Variants in IQCK observed in about 807,000 individuals in gnomAD.
IQCK encodes the protein IQ motif containing K, also known as IQ domain-containing protein K.
IQCK carries 29 observed loss-of-function variants against 28.1 expected under a neutral mutation model. The ratio of observed to expected loss-of-function variants is 1.03; its 90% CI spans 0.77 to 1.41. The LOEUF (loss-of-function observed/expected upper bound fraction) is 1.41, where lower values mean the gene tolerates loss of function less well. IQCK is among the 40% of genes most tolerant of loss of function. The probability of loss-of-function intolerance (pLI) is 0.00; values close to 1 mark genes in which losing one functional copy is unlikely to be tolerated. For synonymous variants in IQCK, 113 were observed against 115.1 expected (o/e 0.98, Z 0.12); for missense variants, 359 against 314.7 (o/e 1.14, Z -1.07).
chr16:19,781,399 G>A (rs1241804621), intron 6 of IQCK, among the ~76,000 whole-genome samples: 2 of 152,216 alleles, frequency 1.3e-5, no homozygotes, highest in Non-Finnish European at 2.9e-5. Flanking sequence ...GTGTAACTAG[G>A]AGAATGATTC....
intron 1 of IQCK, among the ~76,000 whole-genome samples, chr16:19,719,223 G>GA (rs1031476349): frequency 2.1e-4 from 32 of 150,522 alleles, no homozygotes; most frequent in South Asian, 8.4e-4. Flanking sequence ...GATTATTGGG[G>GA]AAAAAAAAAC....
intron 9 of IQCK, among the ~76,000 whole-genome samples, chr16:19,851,681 C>G (rs1231404679): frequency 2.0e-5 from 3 of 152,172 alleles, no homozygotes; most frequent in East Asian, 3.9e-4. Flanking sequence ...TTCCACTCTC[C>G]CAGCCCTTCC....
intron 7 of IQCK, among the ~76,000 whole-genome samples, chr16:19,808,852 A>G (rs557209340): frequency 4.3e-4 from 65 of 152,184 alleles, no homozygotes; most frequent in African/African-American, 1.5e-3. Flanking sequence ...CAAATCTCCA[A>G]CTTTCCTAGG....
chr16:19,718,344 G>C, exon 1 of IQCK: 1 of 1,610,160 alleles, frequency 6.2e-7, no homozygotes. Context: ...CACATAGTGC[G>C]CCTCAAGCCC....
At chr16:19,723,595 A>C (rs2151672800) in intron 1 of IQCK, among the ~76,000 whole-genome samples, 1 of 152,262 alleles carries the variant, frequency 6.6e-6, no homozygotes, top group East Asian at 1.9e-4. Flanking sequence ...TGAAGAAGAC[A>C]CCAGCATGGT....
chr16:19,774,297 C>A (rs34248870), intron 6 of IQCK, among the ~76,000 whole-genome samples: 1 of 151,640 alleles, frequency 6.6e-6, no homozygotes, highest in Non-Finnish European at 1.5e-5. Flanking sequence ...AAGTTCCCCC[C>A]GTAAGAGGAA....
At chr16:19,764,143 A>G in intron 6 of IQCK, 31 bp downstream of exon 6, 1 of 1,521,130 alleles carries the variant, frequency 6.6e-7, no homozygotes, top group Non-Finnish European at 9.1e-7. Flanking sequence ...TGAATAATTT[A>G]TTCCTAATTT....
chr16:19,730,697 T>G (rs1451730564), intron 2 of IQCK, among the ~76,000 whole-genome samples: 1 of 152,060 alleles, frequency 6.6e-6, no homozygotes, highest in African/African-American at 2.4e-5. Context: ...CTTTGAGCAT[T>G]AGTTTCGGCG....
In IQCK at chr16:19,836,719, G is replaced by A. The variant is rs1006647414; in HGVS notation, c.802+9582G>A. ...AGTAGAGATGGGGTTTCACCATGTT[G>A]GCCAGGATGCTCTTGATCTCTTGAC... On this transcript the variant is annotated intron_variant, in intron 9 of 9. Coordinates refer to the IQCK transcript ENST00000320394. Among the ~76,000 whole-genome samples the A allele has an allele frequency of 7.2e-5, 11 of 152,258 alleles. 2 individuals carry two copies. The highest frequency in any genetic ancestry group is 2.6e-4 in the Admixed American group (4 of 15,294).
chr16:19,771,383 T>C (rs2055319373), intron 6 of IQCK, among the ~76,000 whole-genome samples: 1 of 152,218 alleles, frequency 6.6e-6, no homozygotes, highest in Non-Finnish European at 1.5e-5. Flanking sequence ...TAAGCCACCA[T>C]GCCCGACCAG....
intron 2 of IQCK, among the ~76,000 whole-genome samples, chr16:19,731,066 A>T (rs1275805656): frequency 6.6e-6 from 1 of 152,132 alleles, no homozygotes; most frequent in Non-Finnish European, 1.5e-5. Context: ...TGCTTGACTA[A>T]CTCACAGGGC....
intron 7 of IQCK, among the ~76,000 whole-genome samples, chr16:19,806,165 C>A (rs1271118142): frequency 6.6e-6 from 1 of 152,084 alleles, no homozygotes; most frequent in Non-Finnish European, 1.5e-5. Context: ...CATGCAAAGG[C>A]CTGCAGGAGC....
At chr16:19,745,478 G>C (rs1281450239) in intron 4 of IQCK, among the ~76,000 whole-genome samples, 4 of 152,174 alleles carry the variant, frequency 2.6e-5, no homozygotes, top group Admixed American at 2.6e-4. Flanking sequence ...ACATGGGCCA[G>C]TAAACAAAGT....
chr16:19,805,229 T>C (rs1396916826), intron 7 of IQCK, among the ~76,000 whole-genome samples: 1 of 124,896 alleles, frequency 8.0e-6, no homozygotes, highest in African/African-American at 5.3e-5. Context: ...AGAGATGGCA[T>C]CTGGCACAGA....
At chr16:19,757,193 C>T (rs2055064384) in intron 4 of IQCK, among the ~76,000 whole-genome samples, 1 of 152,164 alleles carries the variant, frequency 6.6e-6, no homozygotes, top group Admixed American at 6.5e-5. Context: ...CTTCAGTCCC[C>T]TGAACTCACA....
chr16:19,724,490 C>G (rs1157130282), intron 1 of IQCK, among the ~76,000 whole-genome samples: 1 of 152,048 alleles, frequency 6.6e-6, no homozygotes, highest in Non-Finnish European at 1.5e-5. Context: ...TTCCAATAAG[C>G]TACTGTGGGT....
chr16:19,787,010 G>A (rs1414638323), intron 6 of IQCK, among the ~76,000 whole-genome samples: 2 of 78,076 alleles, frequency 2.6e-5, no homozygotes, highest in Non-Finnish European at 4.2e-5. Flanking sequence ...CTCAACTGCT[G>A]ATAACTTCTG....
chr16:19,808,874 T>A (rs939691694), intron 7 of IQCK, among the ~76,000 whole-genome samples: 3 of 152,246 alleles, frequency 2.0e-5, no homozygotes, highest in African/African-American at 4.8e-5. Flanking sequence ...TCATTTTTTT[T>A]AGACAGAGTT....
intron 2 of IQCK, among the ~76,000 whole-genome samples, chr16:19,730,941 C>T (rs1233205052): frequency 1.3e-5 from 2 of 152,136 alleles, no homozygotes; most frequent in African/African-American, 4.8e-5. Context: ...CCAGGCTGGT[C>T]TCATACTCCT....
Sources: allele counts gnomAD v4.1 joint callset (sites outside exome capture counted in the v4.1 genomes callset), GRCh38; gene constraint gnomAD v4.1.1; transcripts MANE v1.5; gene names NCBI Gene and HGNC (gene_info 2026-07-23, HGNC 2026-07-21).